The following CHRM2 variants were observed in gnomAD, a reference collection of about 807,000 sequenced individuals.
CHRM2 encodes muscarinic acetylcholine receptor M2.
Under a neutral mutation model 25.0 loss-of-function variants are expected in CHRM2, and 8 were observed. That is an observed-to-expected ratio of 0.32 (90% CI 0.19 to 0.58). The LOEUF (loss-of-function observed/expected upper bound fraction) is 0.58, where lower values mean the gene tolerates loss of function less well. Among genes scored for constraint, CHRM2 ranks in the 20% least tolerant of loss-of-function variants. The probability of loss-of-function intolerance (pLI) is 0.88; values close to 1 mark genes in which losing one functional copy is unlikely to be tolerated. For missense variants in CHRM2, 440 were observed against 567.1 expected, an observed-to-expected ratio of 0.78 and a Z score of 2.28; for synonymous variants, 202 against 205.7, an observed-to-expected ratio of 0.98 and a Z score of 0.15.
intron 2 of CHRM2, among the ~76,000 whole-genome samples, chr7:136,932,758 G>A (rs960001466): frequency 1.3e-5 from 2 of 152,166 alleles, no homozygotes; most frequent in East Asian, 1.9e-4. Flanking sequence ...GGCTGGGTAT[G>A]GTGACTCATA....
chr7:137,008,207 G>C (rs1292574306), intron 3 of CHRM2, among the ~76,000 whole-genome samples: 1 of 152,004 alleles, frequency 6.6e-6, no homozygotes, highest in Non-Finnish European at 1.5e-5. Context: ...TCTTAAGGTG[G>C]GGAAGAGATA....
chr7:136,884,781 G>A (rs1369180137), intron 2 of CHRM2, among the ~76,000 whole-genome samples: 1 of 152,150 alleles, frequency 6.6e-6, no homozygotes, highest in Non-Finnish European at 1.5e-5. Flanking sequence ...AGCCTTGTTT[G>A]TAAATACTGT....
At chr7:136,968,787 T>G (rs1801581713) in intron 2 of CHRM2, among the ~76,000 whole-genome samples, 1 of 139,314 alleles carries the variant, frequency 7.2e-6, no homozygotes, top group Non-Finnish European at 1.6e-5. Context: ...CAAATACATT[T>G]TGTCATGTGC....
chr7:136,874,577 T>C (rs1192282801), intron 2 of CHRM2, among the ~76,000 whole-genome samples: 1 of 108,714 alleles, frequency 9.2e-6, no homozygotes, highest in Admixed American at 1.2e-4. Context: ...GCCCCCCCTC[T>C]CTCCCCTCTT....
At chr7:137,005,027 T>C (rs1804327617) in intron 3 of CHRM2, among the ~76,000 whole-genome samples, 1 of 152,120 alleles carries the variant, frequency 6.6e-6, no homozygotes, top group African/African-American at 2.4e-5. Flanking sequence ...CTGGTATGAA[T>C]CTTAATTATA....
At chr7:136,895,956 C>T (rs1162342801) in intron 2 of CHRM2, among the ~76,000 whole-genome samples, 3 of 152,010 alleles carry the variant, frequency 2.0e-5, no homozygotes, top group South Asian at 2.1e-4. Flanking sequence ...TTTCTGTGTT[C>T]GTGTTTTTGA....
At chr7:136,873,266 C>G (rs1353729520) in intron 2 of CHRM2, among the ~76,000 whole-genome samples, 1 of 152,158 alleles carries the variant, frequency 6.6e-6, no homozygotes, top group Non-Finnish European at 1.5e-5. Context: ...GATTGCATAT[C>G]CCACAGCTCA....
At chr7:136,922,551 C>T (rs1798508337) in intron 2 of CHRM2, among the ~76,000 whole-genome samples, 1 of 152,188 alleles carries the variant, frequency 6.6e-6, no homozygotes, top group Admixed American at 6.5e-5. Flanking sequence ...TCTATGTCTA[C>T]ACACATTTAT....
At chr7:136,910,719 C>T (rs1208558886) in intron 2 of CHRM2, among the ~76,000 whole-genome samples, 1 of 151,290 alleles carries the variant, frequency 6.6e-6, no homozygotes, top group Non-Finnish European at 1.5e-5. Context: ...GTTGTTGCTA[C>T]TTTTCTGTTT....
At chr7:136,873,208 G>A (rs1795911831) in intron 2 of CHRM2, among the ~76,000 whole-genome samples, 1 of 152,162 alleles carries the variant, frequency 6.6e-6, no homozygotes, top group South Asian at 2.1e-4. Context: ...GGTTCATTGA[G>A]CAGGCATCAG....
chr7:137,005,151 G>A (rs150092244), intron 3 of CHRM2, among the ~76,000 whole-genome samples: 2 of 152,018 alleles, frequency 1.3e-5, no homozygotes, highest in Non-Finnish European at 2.9e-5. Flanking sequence ...GCTACTAGAA[G>A]AGTGATGGTG....
At chr7:136,924,653 C>T (rs1258305823) in intron 2 of CHRM2, among the ~76,000 whole-genome samples, 1 of 152,098 alleles carries the variant, frequency 6.6e-6, no homozygotes, top group Admixed American at 6.6e-5. Context: ...GGAAGTGATT[C>T]AAACAGCTAC....
chr7:136,930,927 A>AAAAAG (rs1290104978), intron 2 of CHRM2, among the ~76,000 whole-genome samples: 2 of 138,660 alleles, frequency 1.4e-5, no homozygotes, highest in African/African-American at 5.6e-5. Flanking sequence ...AAAAAAAAAA[A>AAAAAG]GGATAGAAAG....
At chr7:136,875,012 T>G (rs1206898483) in intron 2 of CHRM2, among the ~76,000 whole-genome samples, 1 of 135,850 alleles carries the variant, frequency 7.4e-6, no homozygotes, top group Non-Finnish European at 1.6e-5. Context: ...ATGGAAACAT[T>G]TTTCTTGCTG....
chr7:137,004,613 G>A (rs561604162), intron 3 of CHRM2, among the ~76,000 whole-genome samples: 1 of 152,258 alleles, frequency 6.6e-6, no homozygotes, highest in African/African-American at 2.4e-5. Flanking sequence ...TGATTCCCCT[G>A]AGGTCATAAA....
chr7:136,911,473 T>C (rs910462545), intron 2 of CHRM2, among the ~76,000 whole-genome samples: 2 of 151,836 alleles, frequency 1.3e-5, no homozygotes, highest in East Asian at 3.9e-4. Flanking sequence ...ATACAACTAG[T>C]TTCTGGCAGG....
intron 2 of CHRM2, among the ~76,000 whole-genome samples, chr7:136,933,990 TAA>T (rs1267120854): frequency 1.3e-5 from 2 of 152,132 alleles, no homozygotes; most frequent in African/African-American, 4.8e-5. Flanking sequence ...CAGAAGATGG[TAA>T]AAAATGTTCT....
At chr7:136,872,640 G>C (rs1795885740) in intron 2 of CHRM2, among the ~76,000 whole-genome samples, 1 of 152,142 alleles carries the variant, frequency 6.6e-6, no homozygotes, top group African/African-American at 2.4e-5. Context: ...GGCAGGTAGG[G>C]AAGGCACAAA....
At chr7:136,939,840 G>C (rs1799659290) in intron 2 of CHRM2, among the ~76,000 whole-genome samples, 1 of 152,134 alleles carries the variant, frequency 6.6e-6, no homozygotes, top group Admixed American at 6.5e-5. Flanking sequence ...TAAATATTGT[G>C]AAATGCAAGA....
Sources: gnomAD v4.1 joint callset for allele counts (sites outside exome capture counted in the v4.1 genomes callset) on GRCh38, gnomAD v4.1.1 for gene constraint, MANE v1.5 for transcripts, NCBI Gene and HGNC (gene_info 2026-07-23, HGNC 2026-07-21) for gene names.